Variants in DENND2B observed in about 807,000 individuals in gnomAD.
DENND2B encodes the protein DENN domain-containing protein 2B.
In DENND2B, 32 loss-of-function variants were observed where a neutral mutation model predicts 116.0. The ratio of observed to expected loss-of-function variants is 0.28; its 90% CI spans 0.21 to 0.37. DENND2B has a LOEUF of 0.37. Ranked by LOEUF, DENND2B falls within the 10% of genes least tolerant of loss-of-function variation. The probability of loss-of-function intolerance (pLI) is 1.00; values close to 1 mark genes in which losing one functional copy is unlikely to be tolerated. For synonymous variants in DENND2B, 588 were observed against 583.9 expected (o/e 1.01, Z -0.10); for missense variants, 1,276 against 1,477.7 (o/e 0.86, Z 2.24).
At chr11:8,768,771 C>G (rs2056351025) in intron 1 of DENND2B, 1 of 152,610 alleles carries the variant, frequency 6.6e-6, no homozygotes, top group African/African-American at 2.4e-5. Context: ...ACCAAGCACA[C>G]TAAAGCCACC....
chr11:8,701,895 C>T (rs927419139), intron 14 of DENND2B, among the ~76,000 whole-genome samples: 4 of 152,222 alleles, frequency 2.6e-5, no homozygotes, highest in Admixed American at 2.6e-4. Flanking sequence ...CCATCCAGCT[C>T]TTTTCTTACT....
chr11:8,797,287 C>T (rs937718120), intron 1 of DENND2B, among the ~76,000 whole-genome samples: 4 of 152,182 alleles, frequency 2.6e-5, no homozygotes, highest in African/African-American at 7.2e-5. Context: ...TGTCTTACCG[C>T]TAACCTAAAA....
chr11:8,732,284 G>A (rs1455333864), intron 2 of DENND2B, among the ~76,000 whole-genome samples: 1 of 152,202 alleles, frequency 6.6e-6, no homozygotes, highest in African/African-American at 2.4e-5. Context: ...TAATCTTCCT[G>A]AAAAGTCTAT....
intron 1 of DENND2B, among the ~76,000 whole-genome samples, chr11:8,806,769 G>C (rs1456370549): frequency 6.6e-6 from 1 of 151,868 alleles, no homozygotes; most frequent in Non-Finnish European, 1.5e-5. Context: ...TACTGAGACA[G>C]ACACACATAG....
At chr11:8,885,560 G>A (rs2134734209) in intron 1 of DENND2B, among the ~76,000 whole-genome samples, 1 of 152,238 alleles carries the variant, frequency 6.6e-6, no homozygotes, top group South Asian at 2.1e-4. Context: ...CATGTACTCT[G>A]GGAGTGCAAT....
chr11:8,779,506 CTTTCTTTCTTTTTTT>C (rs2058126278), intron 1 of DENND2B, among the ~76,000 whole-genome samples: 1 of 115,208 alleles, frequency 8.7e-6, no homozygotes, highest in African/African-American at 3.1e-5. Context: ...TTCTTTCTTT[CTTTCTTTCTTTTTTT>C]TTTTTTTTGA....
chr11:8,804,039 G>C (rs536503774), intron 1 of DENND2B, among the ~76,000 whole-genome samples: 2 of 152,190 alleles, frequency 1.3e-5, no homozygotes, highest in African/African-American at 2.4e-5. Context: ...TGGATGGACG[G>C]GTCTCCCCGT....
chr11:8,696,235 G>C (rs2040333793), intron 18 of DENND2B, among the ~76,000 whole-genome samples, 192 bp downstream of exon 18: 2 of 152,224 alleles, frequency 1.3e-5, no homozygotes, highest in Non-Finnish European at 2.9e-5. Flanking sequence ...GGCTTAGCTT[G>C]TGCATAGCCT....
At chr11:8,899,609 T>C (rs1208827850) in intron 1 of DENND2B, among the ~76,000 whole-genome samples, 2 of 152,300 alleles carry the variant, frequency 1.3e-5, no homozygotes, top group African/African-American at 4.8e-5. Context: ...AATAGCCTTA[T>C]AGCCTTTAAA....
At chr11:8,781,755 T>C (rs2058396934) in intron 1 of DENND2B, among the ~76,000 whole-genome samples, 1 of 151,862 alleles carries the variant, frequency 6.6e-6, no homozygotes, top group Non-Finnish European at 1.5e-5. Context: ...TATTAAGAAC[T>C]TCTAAAGGAA....
intron 3 of DENND2B, among the ~76,000 whole-genome samples, chr11:8,845,033 C>G (rs2062763352): frequency 6.6e-6 from 1 of 152,092 alleles, no homozygotes; most frequent in Non-Finnish European, 1.5e-5. Flanking sequence ...TGAGCCACCA[C>G]ATCCAGGCTA....
chr11:8,735,674 A>G (rs2048902198), intron 2 of DENND2B, among the ~76,000 whole-genome samples: 1 of 152,060 alleles, frequency 6.6e-6, no homozygotes, highest in Non-Finnish European at 1.5e-5. Flanking sequence ...TTATGGGGGC[A>G]CCCCCTGGAA....
intron 2 of DENND2B, among the ~76,000 whole-genome samples, chr11:8,743,018 C>A (rs538979427): frequency 6.6e-6 from 1 of 151,778 alleles, no homozygotes; most frequent in South Asian, 2.1e-4. Flanking sequence ...GAGATGAGAT[C>A]GCGCCATTGC....
chr11:8,907,858 G>T (rs1392384777), intron 1 of DENND2B, among the ~76,000 whole-genome samples: 3 of 151,994 alleles, frequency 2.0e-5, no homozygotes, highest in Admixed American at 1.3e-4. Context: ...ACCATGCCAG[G>T]CTAGTTTTTT....
At chr11:8,774,763 T>C (rs997298090) in intron 1 of DENND2B, among the ~76,000 whole-genome samples, 2 of 152,022 alleles carry the variant, frequency 1.3e-5, no homozygotes, top group African/African-American at 4.8e-5. Context: ...CTCAGACACC[T>C]TGCCTCTTGT....
chr11:8,776,168 A>T, intron 1 of DENND2B: 1 of 445,780 alleles, frequency 2.2e-6, no homozygotes. Context: ...GCGCACACAC[A>T]CACACACACA....
intron 4 of DENND2B, among the ~76,000 whole-genome samples, chr11:8,826,506 G>A (rs2061983094): frequency 6.6e-6 from 1 of 152,170 alleles, no homozygotes; most frequent in South Asian, 2.1e-4. Context: ...GGATTGCTGG[G>A]ATATAGACAT....
intron 4 of DENND2B, among the ~76,000 whole-genome samples, chr11:8,822,006 G>C (rs1363503320): frequency 6.6e-6 from 1 of 151,952 alleles, no homozygotes; most frequent in Non-Finnish European, 1.5e-5. Flanking sequence ...TGCCCAGGCT[G>C]GTCTCAAACT....
chr11:8,718,201 C>T, intron 4 of DENND2B: 2 of 784,304 alleles, frequency 2.6e-6, no homozygotes, highest in Non-Finnish European at 4.3e-6. Context: ...CCTGCCTGTG[C>T]CCAGCCAGAG....
Sources: gnomAD v4.1 joint callset for allele counts (sites outside exome capture counted in the v4.1 genomes callset) on GRCh38, gnomAD v4.1.1 for gene constraint, MANE v1.5 for transcripts, NCBI Gene and HGNC (gene_info 2026-07-23, HGNC 2026-07-21) for gene names.